Variants in GAS7 observed in about 807,000 individuals in gnomAD.
GAS7 encodes the protein growth arrest specific 7.
A neutral mutation model predicts 71.1 loss-of-function variants in GAS7; 28 were observed. That is an observed-to-expected ratio of 0.39 (90% confidence interval 0.29 to 0.54). The LOEUF is 0.54. GAS7 is among the 20% of genes least tolerant of loss of function. GAS7 has a pLI of 0.62. For missense variants in GAS7, 436 were observed against 627.8 expected (o/e 0.69, Z 3.27); for synonymous variants, 258 against 245.8 (o/e 1.05, Z -0.46).
At position 9,981,239 on chromosome 17, in the gene GAS7, C is replaced by T. The variant is rs765848066; in HGVS notation, c.385+565G>A. Among the ~76,000 whole-genome samples the T allele has an allele frequency of 6.6e-6, 1 of 151,870 alleles. No individual in the cohort carries two copies. The highest frequency in any genetic ancestry group is 6.6e-5 in the Admixed American group (1 of 15,238). On this transcript the variant is annotated intron_variant, in intron 3 of 13. Coordinates refer to ENST00000432992, the MANE Select transcript of GAS7 (RefSeq NM_201433.2). This position sits in a 1 kb window ranked among gnomAD's most constrained non-coding sequence, Gnocchi z 4.4. ...CCCAGAAGGGGAGGTTGCAGTGAGC[C>T]GAGACTGCACCACTGCACTCCAGCC...
chr17:9,941,521 A>G (rs1010623344), intron 7 of GAS7, among the ~76,000 whole-genome samples: 1 of 152,144 alleles, frequency 6.6e-6, no homozygotes, highest in African/African-American at 2.4e-5. Context: ...CGAGCTCCCA[A>G]TTCTGAGCCT....
At chr17:10,197,727 C>A (rs2074550959) in intron 1 of GAS7, among the ~76,000 whole-genome samples, 1 of 152,134 alleles carries the variant, frequency 6.6e-6, no homozygotes, top group Non-Finnish European at 1.5e-5. Context: ...CCGAGGCGGC[C>A]AGGCAGCCTG....
Position 10,056,216 on chromosome 17 carries a change from C to G in GAS7, c.184-36319G>C, listed in dbSNP as rs555105882. Among the ~76,000 whole-genome samples the G allele has an allele frequency of 5.3e-5, 8 of 152,190 alleles. No homozygotes were observed. The East Asian group carries it at 1.2e-3, about 22-fold the overall frequency. ...CTCTACAAAAAATGTAAACATTAGC[C>G]AGGCATGGTGGTGTGTGCCTGTAGT... On this transcript the variant is annotated intron_variant, in intron 1 of 13. Transcript: ENST00000432992.
At position 9,969,964 on chromosome 17, in the gene GAS7, C is replaced by G. The variant is rs575863122; in HGVS notation, c.386-202G>C. On this transcript the variant is annotated intron_variant, in intron 3 of 13. Transcript: ENST00000432992. This position sits in a 1 kb window ranked among gnomAD's most constrained non-coding sequence, Gnocchi z 5.5. ...AAGGCATCTCTCTAATCCTCAGCACCCAAATTACTGAATTCTTAGGGGACT... is the reference window on the plus strand; with the variant it reads ...AAGGCATCTCTCTAATCCTCAGCACGCAAATTACTGAATTCTTAGGGGACT... Among the ~76,000 whole-genome samples, 2 of 152,166 alleles carry G rather than the reference C, an allele frequency of 1.3e-5. No homozygotes were observed. The highest frequency in any genetic ancestry group is 2.9e-5 in the Non-Finnish European group (2 of 68,034).
intron 2 of GAS7, among the ~76,000 whole-genome samples, chr17:10,001,857 C>T (rs2071279372): frequency 2.0e-5 from 3 of 152,126 alleles, no homozygotes; most frequent in Admixed American, 1.3e-4. Context: ...TTGGAACTGC[C>T]ACCAAGACAG....
At chr17:9,920,582 G>A (rs1043287110) in intron 11 of GAS7, among the ~76,000 whole-genome samples, 7 of 152,150 alleles carry the variant, frequency 4.6e-5, no homozygotes, top group African/African-American at 1.2e-4. Context: ...CCCTGGGGTC[G>A]GCTAGAAATT....
At chr17:10,092,562 C>T (rs910935988) in intron 1 of GAS7, among the ~76,000 whole-genome samples, 2 of 152,178 alleles carry the variant, frequency 1.3e-5, no homozygotes, top group African/African-American at 2.4e-5. Flanking sequence ...GGCAGGTGAG[C>T]GTTCAACAGG....
intron 1 of GAS7, among the ~76,000 whole-genome samples, chr17:10,150,385 C>CTCTT (rs1339975680): frequency 1.5e-5 from 2 of 136,418 alleles, no homozygotes; most frequent in Non-Finnish European, 3.1e-5. Flanking sequence ...TCCTTTTCTT[C>CTCTT]TCTTTCTTTC....
chr17:10,083,863 G>A (rs1325279291), intron 1 of GAS7, among the ~76,000 whole-genome samples: 2 of 152,234 alleles, frequency 1.3e-5, no homozygotes, highest in African/African-American at 4.8e-5. Context: ...GAAAGGGTAG[G>A]TATACATAAA....
chr17:9,963,800 G>A (rs74726648), intron 4 of GAS7, among the ~76,000 whole-genome samples: 132 of 152,198 alleles, frequency 8.7e-4, no homozygotes, highest in African/African-American at 2.9e-3. Flanking sequence ...TATATATTAG[G>A]CGGCATTATT....
intron 2 of GAS7, among the ~76,000 whole-genome samples, chr17:10,007,151 T>C (rs2071568548): frequency 6.6e-6 from 1 of 152,346 alleles, no homozygotes. Context: ...GTGGTGACTG[T>C]TAGAAAACTT....
At chr17:9,921,104 G>A (rs1237832882) in intron 11 of GAS7, among the ~76,000 whole-genome samples, 1 of 151,922 alleles carries the variant, frequency 6.6e-6, no homozygotes, top group Non-Finnish European at 1.5e-5. Context: ...ATCCCAAGAG[G>A]CACTGAACCG....
intron 11 of GAS7, among the ~76,000 whole-genome samples, chr17:9,921,438 G>C (rs888655857): frequency 6.6e-6 from 1 of 152,134 alleles, no homozygotes; most frequent in Non-Finnish European, 1.5e-5. Flanking sequence ...TTTCTAGCAA[G>C]AGCTCCTGCC....
chr17:10,041,011 A>C (rs544684631), intron 1 of GAS7, among the ~76,000 whole-genome samples: 4 of 152,090 alleles, frequency 2.6e-5, no homozygotes, highest in Non-Finnish European at 5.9e-5. Context: ...AAAATACAAA[A>C]ATTAGCCAGG....
At chr17:10,118,086 C>G (rs1397145068) in intron 1 of GAS7, among the ~76,000 whole-genome samples, 1 of 152,126 alleles carries the variant, frequency 6.6e-6, no homozygotes, top group Admixed American at 6.5e-5. Context: ...CCGAGGGTAA[C>G]AGGCAGCACC....
rs1472806270 is a variant in GAS7 at position 10,006,865 on chromosome 17, C to A, written c.304+12912G>T. On this transcript the variant is annotated intron_variant, in intron 2 of 13. Transcript: ENST00000432992. ...ATATAAACACTGGCCAGGTGAAGGG[C>A]CTTTCTTGGCAGTTTTATACTCATT... is the stretch of plus-strand genomic sequence containing the variant. 2.6e-5 allele frequency among the ~76,000 whole-genome samples: 4 copies of A among 152,138 alleles called. No homozygotes were observed. In the East Asian group the frequency reaches 7.7e-4, roughly 29 times the overall value.
At chr17:10,017,495 A>G (rs1377882416) in intron 2 of GAS7, among the ~76,000 whole-genome samples, 1 of 151,840 alleles carries the variant, frequency 6.6e-6, no homozygotes, top group Non-Finnish European at 1.5e-5. Flanking sequence ...CACCCGGATA[A>G]TTTTGATATT....
intron 1 of GAS7, among the ~76,000 whole-genome samples, chr17:10,133,414 C>T (rs184531288): frequency 6.9e-4 from 105 of 151,834 alleles, no homozygotes; most frequent in African/African-American, 2.2e-3. Context: ...TGAGCCACTG[C>T]GCCTCGCCAG....
chr17:10,196,839 C>T (rs1467257389), intron 1 of GAS7, among the ~76,000 whole-genome samples: 3 of 152,156 alleles, frequency 2.0e-5, no homozygotes, highest in Non-Finnish European at 1.5e-5. Context: ...CGTTCGCTTT[C>T]TTTTACATCC....
Sources: allele counts gnomAD v4.1 joint callset (sites outside exome capture counted in the v4.1 genomes callset), GRCh38; gene constraint gnomAD v4.1.1; non-coding constraint Gnocchi (gnomAD v3.1); transcripts MANE v1.5; gene names NCBI Gene and HGNC (gene_info 2026-07-23, HGNC 2026-07-21).